Variants in STK3 observed in about 807,000 individuals in gnomAD.
STK3 encodes serine/threonine-protein kinase 3.
STK3 carries 41 observed loss-of-function variants against 58.0 expected under a neutral mutation model. That is an observed-to-expected ratio of 0.71 (90% CI 0.55 to 0.92). The LOEUF (loss-of-function observed/expected upper bound fraction) is 0.92. Among genes scored for constraint, STK3 ranks in the 40% least tolerant of loss-of-function variants. STK3 has a pLI of 0.00. For synonymous variants in STK3, 170 were observed against 191.0 expected (o/e 0.89, Z 0.91); for missense variants, 479 against 602.7 (o/e 0.79, Z 2.15).
In STK3 at chr8:98,919,451, T is replaced by C. The variant is rs1305239728; in HGVS notation, c.-79+22927A>G. Among the ~76,000 whole-genome samples, 4 of 151,670 alleles carry C rather than the reference T, an allele frequency of 2.6e-5. No individual in the cohort carries two copies. In the East Asian group the frequency reaches 7.7e-4, roughly 29 times the overall value. On this transcript the variant is annotated intron_variant, in intron 1 of 1. Transcript: ENST00000519420. The stretch of plus-strand genomic sequence containing the variant: ...ACAGGCCAAAAAATAACAATAAATC[T>C]GAGGTTTAAAAAAAAATCAGAACAA...
chr8:98,654,110 C>A (rs1213830554), intron 6 of STK3, among the ~76,000 whole-genome samples: 2 of 152,168 alleles, frequency 1.3e-5, no homozygotes, highest in African/African-American at 4.8e-5. Context: ...CCGCATCCAG[C>A]AGCACATCAA....
intron 6 of STK3, among the ~76,000 whole-genome samples, chr8:98,683,903 C>T (rs989266521): frequency 5.3e-5 from 8 of 152,124 alleles, no homozygotes; most frequent in African/African-American, 1.9e-4. Flanking sequence ...CCACAGTTCT[C>T]AGTTATTTTC....
At chr8:98,653,498 G>T (rs1821161648) in intron 6 of STK3, among the ~76,000 whole-genome samples, 1 of 152,072 alleles carries the variant, frequency 6.6e-6, no homozygotes, top group Non-Finnish European at 1.5e-5. Context: ...AGAACTGAAG[G>T]AAATAGAGAC....
chr8:98,389,050 T>C (rs892927306), upstream of STK3, among the ~76,000 whole-genome samples: 2 of 152,200 alleles, frequency 1.3e-5, no homozygotes, highest in Non-Finnish European at 1.5e-5. Context: ...TTATAAACCA[T>C]ATAAGCCACC....
At chr8:98,916,719 G>A (rs968537134) in intron 1 of STK3, among the ~76,000 whole-genome samples, 2 of 152,110 alleles carry the variant, frequency 1.3e-5, no homozygotes, top group African/African-American at 2.4e-5. Context: ...CTAGGCTCTG[G>A]GGATATAGCA....
At chr8:98,787,167 CAAAAAAAAAAAAA>C (rs35568354) in intron 1 of STK3, among the ~76,000 whole-genome samples, 3 of 22,692 alleles carry the variant, frequency 1.3e-4, no homozygotes, top group East Asian at 3.6e-3. Flanking sequence ...GACTCCACCT[CAAAAAAAAAAAAA>C]AAAAAAAAAA....
chr8:98,597,004 G>A (rs1282572887), intron 6 of STK3, among the ~76,000 whole-genome samples: 5 of 152,116 alleles, frequency 3.3e-5, no homozygotes, highest in Non-Finnish European at 7.4e-5. Context: ...GTATCTACAG[G>A]AATGAAATGG....
At chr8:98,916,388 TG>T (rs1467764563) in intron 1 of STK3, among the ~76,000 whole-genome samples, 2 of 152,136 alleles carry the variant, frequency 1.3e-5, no homozygotes, top group African/African-American at 4.8e-5. Context: ...CACTCTAGCC[TG>T]GGTGACAGAG....
chr8:98,718,065 C>G (rs1261501180), intron 4 of STK3, among the ~76,000 whole-genome samples: 1 of 152,084 alleles, frequency 6.6e-6, no homozygotes, highest in Non-Finnish European at 1.5e-5. Flanking sequence ...ACACAATGGA[C>G]AGTTAGTGCT....
intron 3 of STK3, among the ~76,000 whole-genome samples, chr8:98,849,436 A>C (rs999302562): frequency 6.6e-6 from 1 of 151,880 alleles, no homozygotes; most frequent in Non-Finnish European, 1.5e-5. Flanking sequence ...ACATACCTCA[A>C]CTCACCCAGT....
At chr8:98,545,086 A>C (rs1182752119) in intron 9 of STK3, among the ~76,000 whole-genome samples, 2 of 152,160 alleles carry the variant, frequency 1.3e-5, no homozygotes, top group African/African-American at 4.8e-5. Context: ...CTCCTACCCC[A>C]TCAGTTTGAT....
the STK3 span, among the ~76,000 whole-genome samples, chr8:98,364,105 G>A: frequency 2.0e-5 from 3 of 152,294 alleles, no homozygotes; most frequent in South Asian, 2.1e-4. Flanking sequence ...GGGAGGCAGC[G>A]AGCCTGGGGT....
chr8:98,375,272 A>AAC (rs1563587052), intron 2 of STK3, among the ~76,000 whole-genome samples: 1 of 24,788 alleles, frequency 4.0e-5, no homozygotes, highest in East Asian at 3.1e-4. Context: ...AAAAAAAAAC[A>AAC]AAAAAAAACA....
rs1023397935 is a variant in STK3 at position 98,791,576 on chromosome 8, T to C, written c.27-16757A>G. 2.6e-5 allele frequency among the ~76,000 whole-genome samples: 4 copies of C among 152,120 alleles called. No individual in the cohort carries two copies. In the South Asian group the frequency reaches 8.3e-4, roughly 32 times the overall value. ...CATTACCTGATTTCAAACTATACTC[T>C]AAGGCCACAGTCACCAAAACAGCAT... On this transcript the variant is annotated intron_variant, in intron 1 of 10. Coordinates refer to ENST00000419617, the MANE Select transcript of STK3 (RefSeq NM_006281.4).
chr8:98,592,479 T>C lies in STK3; in HGVS notation c.822+3553A>G, dbSNP rs116255357. Among the ~76,000 whole-genome samples, 280 of 152,344 alleles carry C rather than the reference T, an allele frequency of 1.8e-3. 1 individual carries two copies. Among genetic ancestry groups the C allele is most frequent in the African/African-American group, 6.4e-3 (265 of 41,590 alleles). On this transcript the variant is annotated intron_variant, in intron 7 of 10. Transcript: ENST00000419617. ...AACTTCTACATTGTATTATAATTTT[T>C]TAACATTTTTGTCTTTCATTTCTCA...
intron 8 of STK3, among the ~76,000 whole-genome samples, chr8:98,563,328 AT>A (rs1437008117): frequency 6.6e-6 from 1 of 152,174 alleles, no homozygotes; most frequent in East Asian, 1.9e-4. Context: ...CCCATCTAGA[AT>A]AATAATGGAT....
intron 2 of STK3, chr8:98,434,439 T>C (rs1230566806): frequency 6.6e-6 from 1 of 152,226 alleles, no homozygotes; most frequent in African/African-American, 2.4e-5. Context: ...ATGTACACGG[T>C]TATTATCTCC....
upstream of STK3, among the ~76,000 whole-genome samples, chr8:98,392,124 A>T (rs1357241866): frequency 6.6e-6 from 1 of 152,124 alleles, no homozygotes; most frequent in Non-Finnish European, 1.5e-5. Context: ...TGTTTTTTTA[A>T]AAAAATATAA....
At chr8:98,873,935 T>C (rs1398942671) in intron 3 of STK3, among the ~76,000 whole-genome samples, 1 of 152,192 alleles carries the variant, frequency 6.6e-6, no homozygotes, top group African/African-American at 2.4e-5. Context: ...TTCTTCCCAG[T>C]ATCAATGGTC....
Sources: allele counts gnomAD v4.1 joint callset (sites outside exome capture counted in the v4.1 genomes callset), GRCh38; gene constraint gnomAD v4.1.1; transcripts MANE v1.5; gene names NCBI Gene and HGNC (gene_info 2026-07-23, HGNC 2026-07-21).